LHFPL3: variants seen among roughly 807,000 people sequenced by gnomAD.
LHFPL3 encodes LHFPL tetraspan subfamily member 3 protein.
In LHFPL3, 5 loss-of-function variants were observed where a neutral mutation model predicts 19.3. That is an observed-to-expected ratio of 0.26 (90% CI 0.14 to 0.54). The LOEUF (loss-of-function observed/expected upper bound fraction) is 0.54, where lower values mean the gene tolerates loss of function less well. LHFPL3 is among the 20% of genes least tolerant of loss of function. LHFPL3 has a pLI of 0.94. For synonymous variants in LHFPL3, 133 were observed against 126.2 expected (o/e 1.05, Z -0.36); for missense variants, 249 against 307.4 (o/e 0.81, Z 1.42).
intron 1 of LHFPL3, among the ~76,000 whole-genome samples, chr7:104,488,182 T>C (rs1793273076): frequency 6.6e-6 from 1 of 152,178 alleles, no homozygotes; most frequent in Non-Finnish European, 1.5e-5. Flanking sequence ...GCTTGGCACC[T>C]CTTCAGTCTC....
At chr7:104,826,637 A>C (rs1790824738) in intron 2 of LHFPL3, 1 of 154,770 alleles carries the variant, frequency 6.5e-6, no homozygotes, top group South Asian at 1.8e-4. Context: ...TCTCCAATGG[A>C]ATGGATCTGT....
chr7:104,735,246 T>C (rs1182668756), intron 1 of LHFPL3, among the ~76,000 whole-genome samples: 1 of 152,222 alleles, frequency 6.6e-6, no homozygotes, highest in Non-Finnish European at 1.5e-5. Context: ...TTCAAAGCTG[T>C]CAGACAGGGA....
intron 1 of LHFPL3, among the ~76,000 whole-genome samples, chr7:104,624,101 T>C (rs1222532412): frequency 6.6e-6 from 1 of 152,218 alleles, no homozygotes; most frequent in Non-Finnish European, 1.5e-5. Context: ...ATAGTAAGCA[T>C]TGAATATTTT....
chr7:104,407,219 G>T (rs1164263377), intron 1 of LHFPL3, among the ~76,000 whole-genome samples: 1 of 152,194 alleles, frequency 6.6e-6, no homozygotes, highest in Non-Finnish European at 1.5e-5. Flanking sequence ...GTTGGTGAAG[G>T]ATTGTAAAAC....
chr7:104,668,154 C>T (rs1792396288), intron 1 of LHFPL3: 3 of 1,613,950 alleles, frequency 1.9e-6, no homozygotes, highest in East Asian at 2.2e-5. Context: ...TCCAGAGAGG[C>T]TGAAAGGTTT....
chr7:104,424,994 A>G (rs1229846130), intron 1 of LHFPL3, among the ~76,000 whole-genome samples: 1 of 150,594 alleles, frequency 6.6e-6, no homozygotes, highest in Non-Finnish European at 1.5e-5. Flanking sequence ...AAAAAAAAAA[A>G]AAAAAAAAAA....
intron 2 of LHFPL3, among the ~76,000 whole-genome samples, chr7:104,868,162 C>T (rs1287233279): frequency 2.0e-5 from 3 of 151,680 alleles, no homozygotes; most frequent in African/African-American, 4.9e-5. Context: ...CCTTTGAAAA[C>T]TGGCACAAGA....
chr7:104,487,736 C>T (rs1793265233), intron 1 of LHFPL3, among the ~76,000 whole-genome samples: 1 of 152,178 alleles, frequency 6.6e-6, no homozygotes, highest in Non-Finnish European at 1.5e-5. Flanking sequence ...TTGATCTTTT[C>T]TTGTCTTTTC....
intron 1 of LHFPL3, among the ~76,000 whole-genome samples, chr7:104,412,175 C>A (rs1791545747): frequency 6.8e-6 from 1 of 146,018 alleles, no homozygotes; most frequent in African/African-American, 2.8e-5. Context: ...CTTTTAAGTG[C>A]TGTATTATGT....
At chr7:104,449,414 C>T (rs1481062152) in intron 1 of LHFPL3, among the ~76,000 whole-genome samples, 2 of 151,948 alleles carry the variant, frequency 1.3e-5, no homozygotes, top group African/African-American at 2.4e-5. Flanking sequence ...GTATACTGAG[C>T]CAATTTCTAA....
chr7:104,523,536 T>C (rs755848241), intron 1 of LHFPL3, among the ~76,000 whole-genome samples: 8 of 152,214 alleles, frequency 5.3e-5, no homozygotes, highest in Non-Finnish European at 1.2e-4. Context: ...AGGTGTTGTC[T>C]GTCATTCCTT....
intron 1 of LHFPL3, among the ~76,000 whole-genome samples, chr7:104,518,351 T>C (rs1793962715): frequency 6.6e-6 from 1 of 152,128 alleles, no homozygotes; most frequent in African/African-American, 2.4e-5. Context: ...GAATAATCAA[T>C]TAAAAGTTTT....
chr7:104,685,453 CAG>C lies in LHFPL3; in HGVS notation c.446-51220_446-51219del, dbSNP rs1188779090. Reference sequence around the variant, plus strand: ...CAGTGTGTGTAAACACACACACACACAGACACACACACACATTCAGAGGCAAT... The same window carrying C: ...CAGTGTGTGTAAACACACACACACACACACACACACACATTCAGAGGCAAT... On this transcript the variant is annotated intron_variant, in intron 1 of 2. Transcript: ENST00000424859. Among the ~76,000 whole-genome samples the C allele has an allele frequency of 2.0e-5, 3 of 152,194 alleles. No individual in the cohort carries two copies. The South Asian group carries it at 6.2e-4, about 31-fold the overall frequency.
intron 1 of LHFPL3, among the ~76,000 whole-genome samples, chr7:104,571,882 C>A (rs1344606939): frequency 6.6e-6 from 1 of 152,110 alleles, no homozygotes; most frequent in East Asian, 1.9e-4. Context: ...TCTATTTTGG[C>A]AAAATCTTTC....
At chr7:104,442,479 A>T (rs1792246465) in intron 1 of LHFPL3, among the ~76,000 whole-genome samples, 1 of 152,206 alleles carries the variant, frequency 6.6e-6, no homozygotes, top group Admixed American at 6.5e-5. Flanking sequence ...AGGGGAAAAA[A>T]GTATCCAAAA....
chr7:104,854,946 C>T (rs562435405), intron 2 of LHFPL3, among the ~76,000 whole-genome samples: 1 of 152,252 alleles, frequency 6.6e-6, no homozygotes, highest in East Asian at 1.9e-4. Context: ...CGTATCCACC[C>T]AAACACACCT....
chr7:104,330,804 A>G (rs980721029), intron 1 of LHFPL3, among the ~76,000 whole-genome samples: 1 of 152,242 alleles, frequency 6.6e-6, no homozygotes, highest in East Asian at 1.9e-4. Context: ...TTCAAGCAGA[A>G]TAACTAAGAT....
chr7:104,738,519 A>G (rs1793871876), intron 2 of LHFPL3: 1 of 152,198 alleles, frequency 6.6e-6, no homozygotes, highest in Non-Finnish European at 1.5e-5. Flanking sequence ...TACAGTTCAA[A>G]GTCATATTGA....
At chr7:104,651,990 A>G (rs1418855204) in intron 1 of LHFPL3, among the ~76,000 whole-genome samples, 3 of 152,244 alleles carry the variant, frequency 2.0e-5, no homozygotes, top group African/African-American at 7.2e-5. Flanking sequence ...TACGTCCCCC[A>G]TATGATCCAC....
Sources: gnomAD v4.1 joint callset for allele counts (sites outside exome capture counted in the v4.1 genomes callset) on GRCh38, gnomAD v4.1.1 for gene constraint, MANE v1.5 for transcripts, NCBI Gene and HGNC (gene_info 2026-07-23, HGNC 2026-07-21) for gene names.